Variants in CEBPG observed in about 807,000 individuals in gnomAD.
The protein encoded by CEBPG is CCAAT/enhancer-binding protein gamma.
In CEBPG, 6 loss-of-function variants were observed where a neutral mutation model predicts 11.1. The ratio of observed to expected loss-of-function variants is 0.54; its 90% CI spans 0.30 to 1.07. The LOEUF is 1.07. CEBPG is among the 50% of genes least tolerant of loss of function. The pLI is 0.07. For missense variants in CEBPG, 161 were observed against 187.4 expected (o/e 0.86, Z 0.82); for synonymous variants, 66 against 71.0 (o/e 0.93, Z 0.36).
At chr19:33,379,109 T>C in intron 1 of CEBPG, 35 bp from the exon 2 acceptor site, 6 of 761,440 alleles carry the variant, frequency 7.9e-6, no homozygotes, top group Non-Finnish European at 1.2e-5. Flanking sequence ...ATCCTGTCAT[T>C]TCAAATATTT....
At chr19:33,375,397 C>T (rs1967900115) in intron 1 of CEBPG, among the ~76,000 whole-genome samples, 3 of 151,960 alleles carry the variant, frequency 2.0e-5, no homozygotes, top group South Asian at 2.1e-4. Context: ...CAGGTAGCCA[C>T]GATTCCAGCT....
chr19:33,376,080 G>C (rs1398592885), intron 1 of CEBPG, among the ~76,000 whole-genome samples: 1 of 151,926 alleles, frequency 6.6e-6, no homozygotes, highest in Admixed American at 6.6e-5. Flanking sequence ...GTTTGTTTTA[G>C]GTGGAATTGT....
rs182984691 is a variant in CEBPG, at chr19:33,379,078, G to T, written c.-96-66G>T. 83 of 597,064 alleles carry T rather than the reference G, an allele frequency of 1.4e-4. No homozygotes were observed. The East Asian group carries it at 2.4e-3, about 17-fold the overall frequency. The allele number at this position is 597,064 out of a possible 1,614,324, so 37.0% of individuals were successfully genotyped here. ...TTAATGTTGGCCTGATGTTAGGTAC[G>T]TACAAGTTTGATCTCATTTGATCCT... On this transcript the variant is annotated intron_variant, in intron 1 of 1. Transcript: ENST00000284000.
At position 33,382,302 on chromosome 19, in the gene CEBPG, C is replaced by T. The variant is rs1427630288; in HGVS notation, c.*2610C>T. On this transcript the variant is annotated 3_prime_UTR_variant, in exon 2 of 2. Coordinates refer to ENST00000284000, the MANE Select transcript of CEBPG (RefSeq NM_001806.4). Reference sequence around the variant, plus strand: ...AGATTTTAATCAAACACGACCAGGTCCGAAATGCAGGTCATGAGTGTGAAA... The same window carrying T: ...AGATTTTAATCAAACACGACCAGGTTCGAAATGCAGGTCATGAGTGTGAAA... The T allele has an allele frequency of 6.0e-6, 1 of 167,046 alleles. No homozygotes were observed. The allele number at this position is 167,046 out of a possible 1,614,324, so 10.3% of individuals were successfully genotyped here. A position where few individuals can be genotyped will look rare whatever the true frequency, so the allele number is the denominator to read the frequency against.
rs752690573 is a variant in CEBPG, at chr19:33,379,591, C to T, written c.352C>T (p.Leu118Phe). 6.2e-7 allele frequency: 1 copy of T among 1,613,960 alleles called. No homozygotes were observed. Among genetic ancestry groups the T allele is most frequent in the African/African-American group, 1.3e-5 (1 of 74,914 alleles). ...IKLLTKELSV[L>F]KDLFLEHAHN... ...ATTGCTGACCAAGGAATTAAGTGTA[C>T]TCAAAGATTTGTTTCTTGAGCATGC... Residue 118 changes from leucine (L) to phenylalanine (F), a missense_variant, in exon 2 of 2, where the codon CTC becomes TTC. Physicochemically the swap from Leu to Phe is conservative, Grantham distance 22. Transcript: ENST00000284000.
Position 33,379,140 on chromosome 19 carries a change from C to T in CEBPG, c.-96-4C>T, listed in dbSNP as rs1259676219. The T allele has an allele frequency of 4.0e-6, 4 of 999,766 alleles. No homozygotes were observed. The highest frequency in any genetic ancestry group is 5.7e-6 in the Non-Finnish European group (4 of 701,970). The allele number at this position is 999,766 out of a possible 1,614,324, so 61.9% of individuals were successfully genotyped here. A position where few individuals can be genotyped will look rare whatever the true frequency, so the allele number is the denominator to read the frequency against. ...TATTTTAATGCAATTTATTTTTTAA[C>T]TAGGTACATGTGAAGATTTTTTGGC... On this transcript the variant is annotated splice_polypyrimidine_tract_variant and splice_region_variant and intron_variant, in intron 1 of 1. Coordinates refer to ENST00000284000, the MANE Select transcript of CEBPG (RefSeq NM_001806.4).
At position 33,380,392 on chromosome 19, in the gene CEBPG, G is replaced by C. The variant is rs1263527625; in HGVS notation, c.*700G>C. On this transcript the variant is annotated 3_prime_UTR_variant, in exon 2 of 2. Coordinates refer to ENST00000284000, the MANE Select transcript of CEBPG (RefSeq NM_001806.4). ...AACACAAAAATAAAACTAAAGCATA[G>C]GAATTATGTTTTTGAGATACCTTTG... 3 of 166,640 alleles carry C rather than the reference G, an allele frequency of 1.8e-5. No homozygotes were observed. Among genetic ancestry groups the C allele is most frequent in the Non-Finnish European group, 4.4e-5 (3 of 68,102 alleles). The allele number at this position is 166,640 out of a possible 1,614,324, so 10.3% of individuals were successfully genotyped here.
At position 33,381,179 on chromosome 19, in the gene CEBPG, A is replaced by C. The variant is rs1850565176; in HGVS notation, c.*1487A>C. ...GAGACTGAGTCATAACTGATTTAAA[A>C]GTTTGTGTTATCAGGTATCTTATTT... On this transcript the variant is annotated 3_prime_UTR_variant, in exon 2 of 2. Transcript: ENST00000284000. 6.0e-6 allele frequency: 1 copy of C among 167,062 alleles called. No individual in the cohort carries two copies. The highest frequency in any genetic ancestry group is 2.4e-5 in the African/African-American group (1 of 41,434). 10.3% of individuals were successfully genotyped at this position (167,062 alleles called of 1,614,324 possible).
intron 1 of CEBPG, 42 bp from the exon 2 acceptor site, chr19:33,379,102 C>A (rs1165895905): frequency 1.7e-5 from 12 of 719,166 alleles, no homozygotes; most frequent in Non-Finnish European, 2.7e-5. Flanking sequence ...TCATTTGATC[C>A]TGTCATTTCA....
chr19:33,378,717 C>T (rs963184725), intron 1 of CEBPG, among the ~76,000 whole-genome samples: 6 of 152,160 alleles, frequency 3.9e-5, no homozygotes, highest in African/African-American at 7.2e-5. Flanking sequence ...AGACAGGGTG[C>T]GCAACCCCAG....
At position 33,379,350 on chromosome 19, in the gene CEBPG, T is replaced by A; in HGVS notation, c.111T>A (p.Ala37=). The change falls in exon 2 of 2, where the codon GCT becomes GCA. Residue 37 remains alanine, a synonymous_variant. Transcript: ENST00000284000. ...AGCAGGTTCCTCAGCTGGTGCCTGC[T>A]GGCCCTGGGGGAGGAGGCAAAGCTG... ...GLQQVPQLVP[A]GPGGGGKAVA... is the part of the protein sequence containing the mutation. 6.2e-7 allele frequency: 1 copy of A among 1,614,006 alleles called. No homozygotes were observed. Among genetic ancestry groups the A allele is most frequent in the Non-Finnish European group, 8.5e-7 (1 of 1,180,000 alleles).
chr19:33,378,954 G>T (rs1967947981), intron 1 of CEBPG, among the ~76,000 whole-genome samples, 190 bp from the exon 2 acceptor site: 1 of 152,212 alleles, frequency 6.6e-6, no homozygotes, highest in African/African-American at 2.4e-5. Context: ...TCGCCTGATG[G>T]TGCTTCTGTG....
At chr19:33,378,036 AC>A (rs771868652) in intron 1 of CEBPG, among the ~76,000 whole-genome samples, 57 of 152,190 alleles carry the variant, frequency 3.7e-4, no homozygotes, top group Non-Finnish European at 1.0e-4. Context: ...TGTTCCTAAC[AC>A]TGCTTTCTAA....
rs1967968468 is a variant in CEBPG, at chr19:33,380,252, C to T, written c.*560C>T. ...TTAGTACTGTTTTCCCCCAAAAGTA[C>T]AAGTTTTTGAGTAGCAATGTCAGGT... On this transcript the variant is annotated 3_prime_UTR_variant, in exon 2 of 2. Coordinates refer to ENST00000284000, the MANE Select transcript of CEBPG (RefSeq NM_001806.4). 1 of 167,000 alleles carries T rather than the reference C, an allele frequency of 6.0e-6. No homozygotes were observed. The highest frequency in any genetic ancestry group is 2.1e-4 in the South Asian group (1 of 4,834). The allele number at this position is 167,000 out of a possible 1,614,324, so 10.3% of individuals were successfully genotyped here.
Position 33,380,322 on chromosome 19 carries a change from A to G in CEBPG, c.*630A>G, listed in dbSNP as rs573136623. ...ACATCTTATAGGTAGTGTGTGGCCA[A>G]TTGACTTAAAAAATACAAATAACAT... On this transcript the variant is annotated 3_prime_UTR_variant, in exon 2 of 2. Transcript: ENST00000284000. 6.0e-6 allele frequency: 1 copy of G among 166,982 alleles called. No homozygotes were observed. Among genetic ancestry groups the G allele is most frequent in the South Asian group, 2.1e-4 (1 of 4,832 alleles). 10.3% of individuals were successfully genotyped at this position (166,982 alleles called of 1,614,324 possible). A position where few individuals can be genotyped will look rare whatever the true frequency, so the allele number is the denominator to read the frequency against.
rs1967874148 is a variant in CEBPG at position 33,373,770 on chromosome 19, C to G, written c.-222C>G. ...GCGGCTGCGGAACGGGCGGAGGCTG[C>G]CGGTTTCGTAACCGTCGCTCCTCCT... On this transcript the variant is annotated 5_prime_UTR_variant, in exon 1 of 2. Coordinates refer to ENST00000284000, the MANE Select transcript of CEBPG (RefSeq NM_001806.4). The G allele has an allele frequency of 6.6e-6, 1 of 151,592 alleles. No individual in the cohort carries two copies. The highest frequency in any genetic ancestry group is 6.6e-5 in the Admixed American group (1 of 15,230). 9.4% of individuals were successfully genotyped at this position (151,592 alleles called of 1,614,324 possible).
intron 1 of CEBPG, among the ~76,000 whole-genome samples, chr19:33,378,083 G>A (rs777233281): frequency 5.8e-4 from 89 of 152,224 alleles, no homozygotes; most frequent in Non-Finnish European, 1.1e-3. Flanking sequence ...GGTGGACACC[G>A]TTCACTGAAC....
intron 1 of CEBPG, among the ~76,000 whole-genome samples, chr19:33,378,605 AT>A (rs1217240891): frequency 2.6e-5 from 4 of 152,182 alleles, no homozygotes; most frequent in Non-Finnish European, 5.9e-5. Flanking sequence ...TTTTCAAAAT[AT>A]CCGATGAAGA....
At chr19:33,375,553 A>G (rs1386526595) in intron 1 of CEBPG, among the ~76,000 whole-genome samples, 1 of 152,120 alleles carries the variant, frequency 6.6e-6, no homozygotes, top group Non-Finnish European at 1.5e-5. Flanking sequence ...ATTTACAAAT[A>G]GTCTATTTGT....
Sources: gnomAD v4.1 joint callset for allele counts (sites outside exome capture counted in the v4.1 genomes callset) on GRCh38, gnomAD v4.1.1 for gene constraint, MANE v1.5 for transcripts, NCBI Gene and HGNC (gene_info 2026-07-23, HGNC 2026-07-21) for gene names.